The following IGF2BP3 variants were observed in gnomAD, a reference collection of about 807,000 sequenced individuals.
The protein encoded by IGF2BP3 is insulin like growth factor 2 mRNA binding protein 3, also known as insulin-like growth factor 2 mRNA-binding protein 3.
A neutral mutation model predicts 73.8 loss-of-function variants in IGF2BP3; 9 were observed. That is an observed-to-expected ratio of 0.12 (90% CI 0.07 to 0.21). The LOEUF is 0.21. IGF2BP3 is among the 10% of genes least tolerant of loss of function. The pLI, the probability that IGF2BP3 is intolerant of heterozygous loss-of-function variation, is 1.00. For missense variants in IGF2BP3, 542 were observed against 714.0 expected (o/e 0.76, Z 2.75); for synonymous variants, 258 against 256.7 (o/e 1.01, Z -0.05).
chr7:23,367,198 G>A (rs764148889), intron 3 of IGF2BP3, among the ~76,000 whole-genome samples: 1 of 151,932 alleles, frequency 6.6e-6, no homozygotes, highest in Non-Finnish European at 1.5e-5. Context: ...GGCTAGTCCC[G>A]AATTCCTGAG....
rs1022693257 is a variant in IGF2BP3 at position 23,469,363 on chromosome 7, G to C, written c.175+573C>G. 1.3e-5 allele frequency: 2 copies of C among 152,166 alleles called. No individual in the cohort carries two copies. The highest frequency in any genetic ancestry group is 4.8e-5 in the African/African-American group (2 of 41,436). The allele number at this position is 152,166 out of a possible 1,614,324, so 9.4% of individuals were successfully genotyped here. On this transcript the variant is annotated intron_variant, in intron 1 of 14. Coordinates refer to ENST00000258729, the MANE Select transcript of IGF2BP3 (RefSeq NM_006547.3). The surrounding 1 kb of genome is among the most constrained non-coding windows in gnomAD (Gnocchi z 6.1). ...TATCGCTCGTCGGACCAGGGGAGGT[G>C]GAACGGGGAAACCGGGCACACACTC...
intron 3 of IGF2BP3, among the ~76,000 whole-genome samples, chr7:23,409,978 G>A (rs1229001948): frequency 6.6e-6 from 1 of 152,124 alleles, no homozygotes; most frequent in Non-Finnish European, 1.5e-5. Flanking sequence ...AGACTAGCCT[G>A]GCCAACATGG....
Position 23,346,051 on chromosome 7 carries a change from A to T in IGF2BP3, c.830T>A (p.Ile277Asn). The T allele has an allele frequency of 6.2e-7, 1 of 1,613,036 alleles. No individual in the cohort carries two copies. The highest frequency in any genetic ancestry group is 8.5e-7 in the Non-Finnish European group (1 of 1,179,878). Residue 277 changes from isoleucine to asparagine, a missense_variant, in exon 8 of 15, where the codon ATC becomes AAC. Ile to Asn is a moderately radical substitution (Grantham distance 149, BLOSUM62 -3). This residue lies in a region of IGF2BP3 where 303 missense variants were observed against 472.1 expected (regional missense o/e 0.64). Transcript: ENST00000258729. ...EAQDIKFTEE[I>N]PLKILAHNNF... ...ATTATGAGCTAAAATCTTCAAGGGG[A>T]TCTCTTCTGTGCTGTAAATAGAAAA...
In IGF2BP3 at chr7:23,341,736, T is replaced by C. The variant is rs536171426; in HGVS notation, c.1203+328A>G. Among the ~76,000 whole-genome samples, 273 of 151,252 alleles carry C rather than the reference T, an allele frequency of 1.8e-3. 1 individual carries two copies. The highest frequency in any genetic ancestry group is 6.1e-3 in the African/African-American group (253 of 41,156). ...GTAACAAACCTGCACATTCTGCACA[T>C]GTATCCGAGAACTTAGAATAAAAAA... On this transcript the variant is annotated intron_variant, in intron 10 of 14. Transcript: ENST00000258729.
At chr7:23,427,933 G>A (rs1787558013) in intron 2 of IGF2BP3, among the ~76,000 whole-genome samples, 1 of 152,126 alleles carries the variant, frequency 6.6e-6, no homozygotes, top group Non-Finnish European at 1.5e-5. Context: ...TTGAACCCAG[G>A]AGGCGGAGGT....
chr7:23,404,306 T>C (rs1045174006), intron 3 of IGF2BP3, among the ~76,000 whole-genome samples: 1 of 152,068 alleles, frequency 6.6e-6, no homozygotes, highest in African/African-American at 2.4e-5. Flanking sequence ...GATAGACACA[T>C]CAAATATAGG....
At chr7:23,315,623 G>A (rs926665002) in intron 12 of IGF2BP3, among the ~76,000 whole-genome samples, 5 of 152,098 alleles carry the variant, frequency 3.3e-5, no homozygotes, top group East Asian at 1.9e-4. Flanking sequence ...GGGCACTACC[G>A]ACAAAACAAA....
chr7:23,337,110 A>G (rs1395400368), intron 10 of IGF2BP3, among the ~76,000 whole-genome samples: 1 of 152,362 alleles, frequency 6.6e-6, no homozygotes, highest in African/African-American at 2.4e-5. Flanking sequence ...GAAAAAGAAC[A>G]AAGTCTAAAA....
rs909061575 is a variant in IGF2BP3 at position 23,355,284 on chromosome 7, C to T, written c.402-3698G>A. Among the ~76,000 whole-genome samples the T allele has an allele frequency of 2.6e-5, 4 of 151,066 alleles. 1 individual carries two copies. Among genetic ancestry groups the T allele is most frequent in the South Asian group, 4.2e-4 (2 of 4,786 alleles). On this transcript the variant is annotated intron_variant, in intron 5 of 14. Coordinates refer to ENST00000258729, the MANE Select transcript of IGF2BP3 (RefSeq NM_006547.3). Reference sequence around the variant, plus strand: ...TTGCCCAGGCTGGAGCGCAATGACGCGATCTCGGCTCACTGCTGCAACCTC... The same window carrying T: ...TTGCCCAGGCTGGAGCGCAATGACGTGATCTCGGCTCACTGCTGCAACCTC...
chr7:23,371,091 A>G (rs746142422), intron 3 of IGF2BP3, among the ~76,000 whole-genome samples: 2 of 152,312 alleles, frequency 1.3e-5, no homozygotes, highest in Non-Finnish European at 2.9e-5. Context: ...CAGTGAGATT[A>G]AAGTATTAAT....
rs368281441 is a variant in IGF2BP3, at chr7:23,397,910, G to A, written c.285+20866C>T. 1.4e-4 allele frequency among the ~76,000 whole-genome samples: 22 copies of A among 152,286 alleles called. 1 individual carries two copies. Among genetic ancestry groups the A allele is most frequent in the East Asian group, 1.2e-3 (6 of 5,184 alleles). On this transcript the variant is annotated intron_variant, in intron 3 of 14. Coordinates refer to ENST00000258729, the MANE Select transcript of IGF2BP3 (RefSeq NM_006547.3). ...GTGGAGATATTATATGGGATTACCC[G>A]GGTGAGCCTTATGTAATCATGGATC... is the stretch of plus-strand genomic sequence containing the variant.
At chr7:23,438,109 C>T (rs535583751) in intron 2 of IGF2BP3, among the ~76,000 whole-genome samples, 2 of 152,154 alleles carry the variant, frequency 1.3e-5, no homozygotes, top group Non-Finnish European at 1.5e-5. Flanking sequence ...TAGAAATTAT[C>T]GAACTTACTT....
intron 3 of IGF2BP3, among the ~76,000 whole-genome samples, chr7:23,389,859 G>C (rs1213431032): frequency 6.6e-6 from 1 of 151,460 alleles, no homozygotes; most frequent in Non-Finnish European, 1.5e-5. Context: ...AATTAGCTGG[G>C]TGTGGTAGTA....
At chr7:23,372,057 T>C (rs1785565256) in intron 3 of IGF2BP3, among the ~76,000 whole-genome samples, 1 of 152,064 alleles carries the variant, frequency 6.6e-6, no homozygotes, top group South Asian at 2.1e-4. Context: ...AGGTGGTATT[T>C]GGTTACATGA....
chr7:23,319,728 G>C (rs1267724060), intron 10 of IGF2BP3, among the ~76,000 whole-genome samples: 1 of 152,202 alleles, frequency 6.6e-6, no homozygotes, highest in East Asian at 1.9e-4. Flanking sequence ...ACACAGTGAA[G>C]TGTTTAAGAG....
At chr7:23,378,475 C>T (rs1464628123) in intron 3 of IGF2BP3, among the ~76,000 whole-genome samples, 2 of 141,202 alleles carry the variant, frequency 1.4e-5, no homozygotes, top group Non-Finnish European at 3.0e-5. Context: ...TCACTGTAAC[C>T]TCTGCCTCCC....
At chr7:23,403,300 T>C (rs1291928635) in intron 3 of IGF2BP3, among the ~76,000 whole-genome samples, 1 of 152,232 alleles carries the variant, frequency 6.6e-6, no homozygotes, top group African/African-American at 2.4e-5. Context: ...TTATTCTACA[T>C]ATGGTACAAG....
chr7:23,396,894 T>C (rs1331248449), intron 3 of IGF2BP3, among the ~76,000 whole-genome samples: 2 of 152,210 alleles, frequency 1.3e-5, no homozygotes, highest in Non-Finnish European at 2.9e-5. Context: ...GCACTTGTCT[T>C]ATTCGCTGGT....
chr7:23,348,263 AC>A (rs1784880382), intron 6 of IGF2BP3, among the ~76,000 whole-genome samples: 2 of 152,340 alleles, frequency 1.3e-5, no homozygotes, highest in Non-Finnish European at 2.9e-5. Context: ...TAGGAATGGA[AC>A]CTGGACAGAT....
Sources: allele counts gnomAD v4.1 joint callset (sites outside exome capture counted in the v4.1 genomes callset), GRCh38; gene constraint gnomAD v4.1.1; regional missense constraint gnomAD v4.1.1; non-coding constraint Gnocchi (gnomAD v3.1); transcripts MANE v1.5; gene names NCBI Gene and HGNC (gene_info 2026-07-23, HGNC 2026-07-21).